Variants in PCDHGB3 observed in about 807,000 individuals in gnomAD.
The protein encoded by PCDHGB3 is protocadherin gamma subfamily B, 3, also known as protocadherin gamma-B3.
PCDHGB3 carries 40 observed loss-of-function variants against 59.2 expected under a neutral mutation model. The ratio of observed to expected loss-of-function variants is 0.68; its 90% CI spans 0.52 to 0.88. The LOEUF (loss-of-function observed/expected upper bound fraction) is 0.88, where lower values mean the gene tolerates loss of function less well. Among genes scored for constraint, PCDHGB3 ranks in the 40% least tolerant of loss-of-function variants. The pLI, the probability that PCDHGB3 is intolerant of heterozygous loss-of-function variation, is 0.00. For synonymous variants in PCDHGB3, 581 were observed against 503.6 expected (o/e 1.15, Z -2.06); for missense variants, 1,309 against 1,187.9 (o/e 1.10, Z -1.50).
intron 1 of PCDHGB3, chr5:141,375,921 A>G: frequency 6.2e-7 from 1 of 1,613,712 alleles, no homozygotes; most frequent in Admixed American, 1.7e-5. Context: ...AAGGCCAGCG[A>G]GCCAGGACTT....
In PCDHGB3 at chr5:141,432,088, A is replaced by T. The variant is rs144317211; in HGVS notation, c.2415+59279A>T. The T allele has an allele frequency of 2.9e-5, 47 of 1,614,148 alleles. No individual in the cohort carries two copies. In the African/African-American group the frequency reaches 5.7e-4, roughly 20 times the overall value. On this transcript the variant is annotated intron_variant, in intron 1 of 3. Transcript: ENST00000576222. This position sits in a 1 kb window ranked among gnomAD's most constrained non-coding sequence, Gnocchi z 6.0. Reference sequence around the variant, plus strand: ...AAACTCATATCTCGCTGAACGTGGCAGACACCAACGACAACCCGCCGGTCT... The same window carrying T: ...AAACTCATATCTCGCTGAACGTGGCTGACACCAACGACAACCCGCCGGTCT...
At position 141,502,499 on chromosome 5, in the gene PCDHGB3, C is replaced by T. The variant is rs552402476; in HGVS notation, c.2475-2894C>T. ...CATCACACTGGGACTCATCTAACGT[C>T]GGCCTGTCCCACTATCAGTGATGCC... On this transcript the variant is annotated intron_variant, in intron 2 of 3. Coordinates refer to ENST00000576222, the MANE Select transcript of PCDHGB3 (RefSeq NM_018924.5). Among the ~76,000 whole-genome samples, 24 of 152,240 alleles carry T rather than the reference C, an allele frequency of 1.6e-4. No homozygotes were observed. In the East Asian group the frequency reaches 4.1e-3, roughly 26 times the overall value.
chr5:141,465,413 G>A (rs996581829), intron 1 of PCDHGB3, among the ~76,000 whole-genome samples: 1 of 152,174 alleles, frequency 6.6e-6, no homozygotes, highest in Non-Finnish European at 1.5e-5. Context: ...AGCCAAATCA[G>A]CACTGAAAGG....
At chr5:141,422,420 C>A in intron 1 of PCDHGB3, 2 of 1,607,576 alleles carry the variant, frequency 1.2e-6, no homozygotes, top group Non-Finnish European at 1.7e-6. Context: ...TTAGAAAAGA[C>A]TTATGGAAAT....
Position 141,372,366 on chromosome 5 carries a change from G to T in PCDHGB3, c.1972G>T (p.Val658Phe). 1.2e-6 allele frequency: 2 copies of T among 1,613,950 alleles called. No individual in the cohort carries two copies. Among genetic ancestry groups the T allele is most frequent in the East Asian group, 4.5e-5 (2 of 44,882 alleles). Residue 658 changes from valine (V) to phenylalanine (F), a missense_variant, in exon 1 of 4, where the codon GTC (valine) becomes TTC (phenylalanine). Transcript: ENST00000576222. ...DGGQQPLSAT[V>F]MLHLIFADSL... ...AGGACAGCAGCCTCTTTCAGCCACC[G>T]TCATGCTGCACCTAATCTTCGCAGA...
chr5:141,476,196 A>G lies in PCDHGB3; in HGVS notation c.2416-18611A>G, dbSNP rs2099386612. The G allele has an allele frequency of 6.2e-7, 1 of 1,613,852 alleles. No individual in the cohort carries two copies. Among genetic ancestry groups the G allele is most frequent in the South Asian group, 1.1e-5 (1 of 91,074 alleles). ...GTTTTGCTTCTGCTTGGTGCCTTGA[A>G]CAAGGCTTCCACGGTCATTCACTAT... On this transcript the variant is annotated intron_variant, in intron 1 of 3. Coordinates refer to ENST00000576222, the MANE Select transcript of PCDHGB3 (RefSeq NM_018924.5). This position sits in a 1 kb window ranked among gnomAD's most constrained non-coding sequence, Gnocchi z 7.6.
At chr5:141,449,137 A>C (rs1257120647) in intron 1 of PCDHGB3, among the ~76,000 whole-genome samples, 1 of 152,176 alleles carries the variant, frequency 6.6e-6, no homozygotes, top group Non-Finnish European at 1.5e-5. Context: ...AATGGAATTG[A>C]AATTGCTGGG....
At chr5:141,388,685 G>A (rs2091454291) in intron 1 of PCDHGB3, 5 of 1,613,932 alleles carry the variant, frequency 3.1e-6, no homozygotes, top group East Asian at 2.2e-5. Flanking sequence ...TGACTGCCAC[G>A]GACCAGGATG....
intron 1 of PCDHGB3, chr5:141,421,248 C>G: frequency 1.2e-6 from 2 of 1,604,936 alleles, no homozygotes; most frequent in Middle Eastern, 1.7e-4. Flanking sequence ...GGCTACAGCG[C>G]GGGGACCGCA....
At chr5:141,423,967 A>C (rs760284844) in intron 1 of PCDHGB3, 11 of 1,153,498 alleles carry the variant, frequency 9.5e-6, no homozygotes, top group Non-Finnish European at 1.2e-5. Flanking sequence ...TTTTTCTATT[A>C]TCAGTGTATG....
At chr5:141,506,231 A>G (rs1453468632) in intron 3 of PCDHGB3, among the ~76,000 whole-genome samples, 4 of 152,082 alleles carry the variant, frequency 2.6e-5, no homozygotes, top group African/African-American at 4.8e-5. Context: ...CAGGAGGATC[A>G]TGAGGTCAGG....
chr5:141,374,436 C>T, intron 1 of PCDHGB3: 3 of 1,613,872 alleles, frequency 1.9e-6, no homozygotes, highest in Non-Finnish European at 2.5e-6. Context: ...AATCTTTATC[C>T]CGTGGAAGTG....
chr5:141,487,421 C>G lies in PCDHGB3; in HGVS notation c.2416-7386C>G. On this transcript the variant is annotated intron_variant, in intron 1 of 3. Transcript: ENST00000576222. This position sits in a 1 kb window ranked among gnomAD's most constrained non-coding sequence, Gnocchi z 5.0. ...GGGGCTTCCCCCTTCCAATGGGATC[C>G]TCCGAATCCAGCTAGGGTCAGATGA... 1 of 1,614,144 alleles carries G rather than the reference C, an allele frequency of 6.2e-7. No individual in the cohort carries two copies. The highest frequency in any genetic ancestry group is 8.5e-7 in the Non-Finnish European group (1 of 1,180,022).
intron 1 of PCDHGB3, among the ~76,000 whole-genome samples, chr5:141,424,839 A>G (rs1264853498): frequency 6.6e-6 from 1 of 152,198 alleles, no homozygotes; most frequent in Non-Finnish European, 1.5e-5. Context: ...CATACATGTT[A>G]TCTGAAGCAA....
chr5:141,375,109 T>G (rs199796645), intron 1 of PCDHGB3: 1 of 1,613,952 alleles, frequency 6.2e-7, no homozygotes, highest in Middle Eastern at 1.6e-4. Flanking sequence ...ATGTCAATGA[T>G]AATGTACCAG....
Position 141,410,405 on chromosome 5 carries a change from T to C in PCDHGB3, c.2415+37596T>C, listed in dbSNP as rs777544150. ...CTTCCATCCTGGTCTCTGTGTCAAGTCTGGACCTGTAGTTCCCCCCAACTA... is the reference window on the plus strand; with the variant it reads ...CTTCCATCCTGGTCTCTGTGTCAAGCCTGGACCTGTAGTTCCCCCCAACTA... On this transcript the variant is annotated intron_variant, in intron 1 of 3. Transcript: ENST00000576222. 2.2e-5 allele frequency: 35 copies of C among 1,613,948 alleles called. 1 individual carries two copies. In the East Asian group the frequency reaches 7.8e-4, roughly 36 times the overall value.
chr5:141,450,835 T>TA lies in PCDHGB3; in HGVS notation c.2416-43972_2416-43971insA, dbSNP rs1438371595. ...ATTTAATATTATTATTATTATTTTT[T>TA]TTTTTTTGAGATGGGGTCTTGCTCT... is the stretch of plus-strand genomic sequence containing the variant. On this transcript the variant is annotated intron_variant, in intron 1 of 3. Coordinates refer to ENST00000576222, the MANE Select transcript of PCDHGB3 (RefSeq NM_018924.5). 4.0e-3 allele frequency among the ~76,000 whole-genome samples: 570 copies of TA among 142,160 alleles called. 3 individuals are homozygous for TA. The highest frequency in any genetic ancestry group is 0.015 in the Middle Eastern group (4 of 270). The allele number at this position is 142,160 out of a possible 152,430, so 93.3% of individuals were successfully genotyped here.
chr5:141,419,214 T>C lies in PCDHGB3; in HGVS notation c.2415+46405T>C. On this transcript the variant is annotated intron_variant, in intron 1 of 3. Coordinates refer to ENST00000576222, the MANE Select transcript of PCDHGB3 (RefSeq NM_018924.5). ...GACGTCAATGACAACGCGCCGGTTT[T>C]CGGACAGTCAGCCTACCTGGTCCAC... 1.9e-6 allele frequency: 3 copies of C among 1,613,986 alleles called. No individual in the cohort carries two copies. In the South Asian group the frequency reaches 3.3e-5, roughly 18 times the overall value.
At position 141,381,826 on chromosome 5, in the gene PCDHGB3, CTTTTTTTT is replaced by C. The variant is rs770630741; in HGVS notation, c.2415+9032_2415+9039del. Among the ~76,000 whole-genome samples the C allele has an allele frequency of 3.5e-4, 26 of 74,290 alleles. 1 individual carries two copies. Among genetic ancestry groups the C allele is most frequent in the Admixed American group, 9.7e-4 (5 of 5,178 alleles). 48.7% of individuals were successfully genotyped at this position (74,290 alleles called of 152,430 possible). On this transcript the variant is annotated intron_variant, in intron 1 of 3. Transcript: ENST00000576222. Reference sequence around the variant, plus strand: ...TTTCTTTCTTTCTTTCTTTCTTCTTCTTTTTTTTTTTTTTTTTTTTTTGGCAGAGTTTT... The same window carrying C: ...TTTCTTTCTTTCTTTCTTTCTTCTTCTTTTTTTTTTTTTTGGCAGAGTTTT...
Sources: allele counts gnomAD v4.1 joint callset (sites outside exome capture counted in the v4.1 genomes callset), GRCh38; gene constraint gnomAD v4.1.1; non-coding constraint Gnocchi (gnomAD v3.1); transcripts MANE v1.5; gene names NCBI Gene and HGNC (gene_info 2026-07-23, HGNC 2026-07-21).